DOCK4: variants seen among roughly 807,000 people sequenced by gnomAD.
DOCK4 encodes dedicator of cytokinesis 4, also known as dedicator of cytokinesis protein 4.
A neutral mutation model predicts 268.1 loss-of-function variants in DOCK4; 97 were observed. The ratio of observed to expected loss-of-function variants is 0.36; its 90% CI spans 0.31 to 0.43. The LOEUF is 0.43. Ranked by LOEUF, DOCK4 falls within the 20% of genes least tolerant of loss-of-function variation. DOCK4 has a pLI of 1.00. For synonymous variants in DOCK4, 954 were observed against 887.2 expected, an observed-to-expected ratio of 1.08 and a Z score of -1.34; for missense variants, 2,145 against 2,455.7, an observed-to-expected ratio of 0.87 and a Z score of 2.67.
intron 39 of DOCK4, among the ~76,000 whole-genome samples, chr7:111,761,662 C>A (rs1484183256): frequency 6.6e-6 from 1 of 151,980 alleles, no homozygotes; most frequent in Admixed American, 6.6e-5. Context: ...GAGTGAGAAA[C>A]AAGTCATGGG....
At chr7:112,167,231 A>AT (rs1817686511) in intron 1 of DOCK4, among the ~76,000 whole-genome samples, 1 of 152,156 alleles carries the variant, frequency 6.6e-6, no homozygotes, top group African/African-American at 2.4e-5. Flanking sequence ...CCTCCAAGGA[A>AT]TTTTTTTAAA....
intron 1 of DOCK4, among the ~76,000 whole-genome samples, chr7:112,059,499 C>T (rs1586737858): frequency 6.6e-6 from 1 of 152,132 alleles, no homozygotes; most frequent in Admixed American, 6.5e-5. Context: ...AATTTAGAAA[C>T]GTACTCTTTC....
intron 1 of DOCK4, among the ~76,000 whole-genome samples, chr7:112,042,463 G>C (rs1029711053): frequency 1.2e-4 from 18 of 152,164 alleles, no homozygotes; most frequent in African/African-American, 3.9e-4. Context: ...ATCCAAGACA[G>C]CAAAGGTTAA....
chr7:111,840,582 G>A (rs146326009), intron 25 of DOCK4, among the ~76,000 whole-genome samples: 3 of 151,718 alleles, frequency 2.0e-5, no homozygotes, highest in Admixed American at 2.0e-4. Context: ...AACAGTCGGT[G>A]GAAAAACAAA....
intron 4 of DOCK4, among the ~76,000 whole-genome samples, chr7:111,995,108 T>A (rs1799830267): frequency 6.6e-6 from 1 of 151,350 alleles, no homozygotes; most frequent in African/African-American, 2.4e-5. Flanking sequence ...CTCGGCTCAC[T>A]GCAAGCTCCA....
intron 51 of DOCK4, chr7:111,732,659 G>A (rs528003938): frequency 4.7e-6 from 1 of 212,552 alleles, no homozygotes; most frequent in African/African-American, 2.3e-5. Context: ...CAGTTCTTGG[G>A]GAACAGCTGT....
intron 1 of DOCK4, among the ~76,000 whole-genome samples, chr7:112,042,572 A>G (rs1804484412): frequency 6.6e-6 from 1 of 152,214 alleles, no homozygotes; most frequent in African/African-American, 2.4e-5. Context: ...TAAGTCGGGA[A>G]AAAAATGGTA....
chr7:111,878,463 A>G (rs754590641), intron 16 of DOCK4, among the ~76,000 whole-genome samples: 8 of 152,200 alleles, frequency 5.3e-5, no homozygotes, highest in African/African-American at 7.2e-5. Flanking sequence ...CAATCTGCAC[A>G]AAGAAAAGCA....
chr7:111,895,807 T>C (rs2074132), intron 15 of DOCK4, 89 bp from the exon 16 acceptor site: 489,005 of 1,216,892 alleles, frequency 0.4, 106,029 homozygotes, highest in African/African-American at 0.79. Context: ...GAAATATAAC[T>C]CATACACAAC....
chr7:112,048,589 C>A (rs2135541600), intron 1 of DOCK4, among the ~76,000 whole-genome samples: 1 of 150,308 alleles, frequency 6.7e-6, no homozygotes, highest in Non-Finnish European at 1.5e-5. Context: ...ACAAAACAAA[C>A]AAACAAAAAG....
At chr7:112,175,309 A>G (rs1350559625) in intron 1 of DOCK4, among the ~76,000 whole-genome samples, 1 of 152,196 alleles carries the variant, frequency 6.6e-6, no homozygotes, top group Non-Finnish European at 1.5e-5. Context: ...CACTGAATCA[A>G]AACACCAAGC....
intron 28 of DOCK4, among the ~76,000 whole-genome samples, 198 bp from the exon 29 acceptor site, chr7:111,809,599 T>G (rs1280094173): frequency 6.6e-6 from 1 of 152,196 alleles, no homozygotes; most frequent in African/African-American, 2.4e-5. Context: ...CTTGTACATA[T>G]GCTTAAAATT....
chr7:112,048,579 AC>A (rs1417334590), intron 1 of DOCK4, among the ~76,000 whole-genome samples: 2 of 151,630 alleles, frequency 1.3e-5, no homozygotes, highest in Non-Finnish European at 1.5e-5. Context: ...ACAAAAAAAA[AC>A]AAAACAAACA....
intron 1 of DOCK4, among the ~76,000 whole-genome samples, chr7:112,027,980 G>A (rs928295414): frequency 5.3e-5 from 8 of 152,190 alleles, no homozygotes; most frequent in African/African-American, 9.7e-5. Context: ...TGAGTACAGG[G>A]CAGTACATAG....
At chr7:112,096,555 G>A (rs1810161337) in intron 1 of DOCK4, among the ~76,000 whole-genome samples, 1 of 152,048 alleles carries the variant, frequency 6.6e-6, no homozygotes, top group African/African-American at 2.4e-5. Flanking sequence ...GTGTGGTTCT[G>A]GAAGTAACGA....
rs545367667 is a variant in DOCK4 at position 112,031,027 on chromosome 7, T to C, written c.38-26896A>G. Among the ~76,000 whole-genome samples, 3 of 152,270 alleles carry C rather than the reference T, an allele frequency of 2.0e-5. No homozygotes were observed. The South Asian group carries it at 6.2e-4, about 32-fold the overall frequency. ...GCTATGCCTATCTGTCCTCTTCATG[T>C]AGTACTGCCAACCAGAACAGGGCAG... On this transcript the variant is annotated intron_variant, in intron 1 of 52. Transcript: ENST00000428084.
intron 45 of DOCK4, 112 bp from the exon 46 acceptor site, chr7:111,741,773 T>G (rs1356364988): frequency 7.3e-7 from 1 of 1,374,106 alleles, no homozygotes; most frequent in African/African-American, 1.5e-5. Context: ...AGTCTTCACA[T>G]AGGGAGCTAT....
At chr7:112,143,397 A>T (rs1487122049) in intron 1 of DOCK4, among the ~76,000 whole-genome samples, 1 of 152,156 alleles carries the variant, frequency 6.6e-6, no homozygotes, top group Non-Finnish European at 1.5e-5. Flanking sequence ...AACCAAAGCA[A>T]TTCTTTGAAT....
chr7:111,768,595 T>A (rs1203696736), intron 37 of DOCK4, among the ~76,000 whole-genome samples: 3 of 152,176 alleles, frequency 2.0e-5, no homozygotes, highest in Admixed American at 1.3e-4. Flanking sequence ...ATGAATTTTT[T>A]AAAAGAGTAC....
Sources: gnomAD v4.1 joint callset for allele counts (sites outside exome capture counted in the v4.1 genomes callset) on GRCh38, gnomAD v4.1.1 for gene constraint, MANE v1.5 for transcripts, NCBI Gene and HGNC (gene_info 2026-07-23, HGNC 2026-07-21) for gene names.